Variants in NEO1 observed in about 807,000 individuals in gnomAD.
NEO1 encodes neogenin 1.
A neutral mutation model predicts 159.7 loss-of-function variants in NEO1; 63 were observed. The ratio of observed to expected loss-of-function variants is 0.39; its 90% CI spans 0.32 to 0.49. The LOEUF (loss-of-function observed/expected upper bound fraction) is 0.49. NEO1 is among the 20% of genes least tolerant of loss of function. NEO1 has a pLI of 0.85. For synonymous variants in NEO1, 633 were observed against 662.0 expected (o/e 0.96, Z 0.67); for missense variants, 1,615 against 1,831.0 (o/e 0.88, Z 2.15).
chr15:73,189,373 C>T (rs1466863408), intron 7 of NEO1, among the ~76,000 whole-genome samples: 2 of 152,058 alleles, frequency 1.3e-5, no homozygotes, highest in Non-Finnish European at 2.9e-5. Flanking sequence ...TTTTTTGTTG[C>T]GTTTGTTTGA....
At chr15:73,142,841 A>T (rs2151790113) in intron 5 of NEO1, among the ~76,000 whole-genome samples, 1 of 152,350 alleles carries the variant, frequency 6.6e-6, no homozygotes, top group South Asian at 2.1e-4. Flanking sequence ...TAAAATAAAG[A>T]TTCTTATAAC....
At chr15:73,273,506 T>C (rs912757057) in intron 19 of NEO1, among the ~76,000 whole-genome samples, 1 of 152,134 alleles carries the variant, frequency 6.6e-6, no homozygotes, top group African/African-American at 2.4e-5. Flanking sequence ...TCAGATAGAT[T>C]CATGGTTGTG....
intron 1 of NEO1, among the ~76,000 whole-genome samples, chr15:73,061,517 A>G (rs532145361): frequency 3.8e-4 from 58 of 152,338 alleles, no homozygotes; most frequent in African/African-American, 1.3e-3. Flanking sequence ...GTGAGGTGGC[A>G]GGGTATGGTT....
chr15:73,233,854 C>T (rs1336325708), intron 7 of NEO1, among the ~76,000 whole-genome samples: 1 of 152,142 alleles, frequency 6.6e-6, no homozygotes, highest in Non-Finnish European at 1.5e-5. Context: ...CTTCCACATG[C>T]ACTTTTCTTG....
chr15:73,283,797 C>T (rs1279268589), intron 23 of NEO1, among the ~76,000 whole-genome samples: 1 of 152,194 alleles, frequency 6.6e-6, no homozygotes, highest in Non-Finnish European at 1.5e-5. Context: ...GACATTCTTA[C>T]AGGCTGTGTC....
intron 7 of NEO1, among the ~76,000 whole-genome samples, chr15:73,232,763 C>T (rs914357721): frequency 2.8e-4 from 43 of 152,158 alleles, no homozygotes; most frequent in African/African-American, 1.0e-3. Context: ...GAGCACTGGC[C>T]CTTCCTATTC....
At chr15:73,056,838 T>C (rs1203437829) in intron 1 of NEO1, among the ~76,000 whole-genome samples, 2 of 152,200 alleles carry the variant, frequency 1.3e-5, no homozygotes, top group Non-Finnish European at 2.9e-5. Context: ...ATCTTTGATC[T>C]TACTGAGTCA....
In NEO1 at chr15:73,167,669, A is replaced by G. The variant is rs148476478; in HGVS notation, c.1016-8734A>G. Among the ~76,000 whole-genome samples the G allele has an allele frequency of 7.5e-4, 115 of 152,368 alleles. 1 individual carries two copies. The highest frequency in any genetic ancestry group is 2.7e-3 in the African/African-American group (111 of 41,592). Reference sequence around the variant, plus strand: ...GTTAGATGTTGTGTATACATACAATATTGAGACATCAAGCAAAGATTAAGT... The same window carrying G: ...GTTAGATGTTGTGTATACATACAATGTTGAGACATCAAGCAAAGATTAAGT... On this transcript the variant is annotated intron_variant, in intron 5 of 28. Coordinates refer to ENST00000261908, the MANE Select transcript of NEO1 (RefSeq NM_002499.4).
At chr15:73,066,018 A>C (rs1045801505) in intron 1 of NEO1, among the ~76,000 whole-genome samples, 5 of 143,738 alleles carry the variant, frequency 3.5e-5, no homozygotes, top group Non-Finnish European at 6.1e-5. Flanking sequence ...ATTTCTTTTT[A>C]TTTCTTTCTT....
intron 7 of NEO1, among the ~76,000 whole-genome samples, chr15:73,217,657 G>A (rs1383058638): frequency 2.6e-5 from 4 of 152,054 alleles, no homozygotes; most frequent in Non-Finnish European, 5.9e-5. Flanking sequence ...TCCCTTGTAA[G>A]TTGGATTCCT....
chr15:73,185,110 T>C (rs2035847301), intron 7 of NEO1, among the ~76,000 whole-genome samples: 1 of 152,052 alleles, frequency 6.6e-6, no homozygotes, highest in Non-Finnish European at 1.5e-5. Flanking sequence ...GTAAAAAAAT[T>C]AGTGGTTGCC....
At chr15:73,097,244 CT>C (rs1196103508) in intron 1 of NEO1, among the ~76,000 whole-genome samples, 3 of 151,986 alleles carry the variant, frequency 2.0e-5, no homozygotes, top group Non-Finnish European at 4.4e-5. Flanking sequence ...ATGTTTTGAC[CT>C]TGTTGGGGAG....
At chr15:73,261,920 A>C (rs1420563427) in intron 15 of NEO1, among the ~76,000 whole-genome samples, 1 of 152,214 alleles carries the variant, frequency 6.6e-6, no homozygotes, top group Non-Finnish European at 1.5e-5. Flanking sequence ...ATTGTAAAGG[A>C]AGATGTTATA....
At chr15:73,073,482 T>A (rs754199603) in intron 1 of NEO1, among the ~76,000 whole-genome samples, 26 of 152,096 alleles carry the variant, frequency 1.7e-4, no homozygotes, top group Non-Finnish European at 2.9e-4. Flanking sequence ...TGGAGCGTAT[T>A]TAAAAATGGA....
At chr15:73,272,081 G>T (rs2041198866) in intron 18 of NEO1, among the ~76,000 whole-genome samples, 1 of 152,150 alleles carries the variant, frequency 6.6e-6, no homozygotes, top group Non-Finnish European at 1.5e-5. Context: ...GATCCATAAA[G>T]CAGAGATAGT....
chr15:73,182,001 C>T (rs372782389), intron 7 of NEO1, among the ~76,000 whole-genome samples: 2 of 151,706 alleles, frequency 1.3e-5, no homozygotes, highest in Non-Finnish European at 2.9e-5. Context: ...TGGGACTTGC[C>T]CTTCCACATG....
chr15:73,279,351 G>C (rs28669801), intron 22 of NEO1, among the ~76,000 whole-genome samples: 1 of 119,348 alleles, frequency 8.4e-6, no homozygotes, highest in African/African-American at 3.0e-5. Context: ...TTTGGTTTTG[G>C]TTTTTTTTTT....
At chr15:73,110,141 A>AC (rs2070895803) in intron 1 of NEO1, among the ~76,000 whole-genome samples, 1 of 152,252 alleles carries the variant, frequency 6.6e-6, no homozygotes, top group Non-Finnish European at 1.5e-5. Flanking sequence ...GATAGTGGAC[A>AC]CTAAAGAATC....
intron 7 of NEO1, among the ~76,000 whole-genome samples, chr15:73,187,158 TAAC>T (rs1028676494): frequency 5.9e-5 from 9 of 152,214 alleles, no homozygotes; most frequent in East Asian, 1.9e-4. Context: ...CTCATGAAGA[TAAC>T]AACTATTACA....
Sources: allele counts gnomAD v4.1 joint callset (sites outside exome capture counted in the v4.1 genomes callset), GRCh38; gene constraint gnomAD v4.1.1; transcripts MANE v1.5; gene names NCBI Gene and HGNC (gene_info 2026-07-23, HGNC 2026-07-21).